The following AOPEP variants were observed in gnomAD, a reference collection of about 807,000 sequenced individuals.
The protein encoded by AOPEP is aminopeptidase O.
AOPEP carries 77 observed loss-of-function variants against 98.1 expected under a neutral mutation model. The ratio of observed to expected loss-of-function variants is 0.78; its 90% CI spans 0.65 to 0.95. AOPEP has a LOEUF of 0.95. AOPEP is among the 40% of genes least tolerant of loss of function. The pLI is 0.00. For missense variants in AOPEP, 1,024 were observed against 1,024.7 expected (o/e 1.00, Z 0.01); for synonymous variants, 346 against 365.3 (o/e 0.95, Z 0.60).
intron 11 of AOPEP, among the ~76,000 whole-genome samples, chr9:95,002,286 A>G (rs1476813877): frequency 6.6e-6 from 1 of 151,940 alleles, no homozygotes; most frequent in Non-Finnish European, 1.5e-5. Context: ...ACTATATAAC[A>G]TATTTATTGA....
At chr9:94,932,214 A>G (rs2055442741) in intron 7 of AOPEP, 2 of 987,186 alleles carry the variant, frequency 2.0e-6, no homozygotes, top group Non-Finnish European at 2.4e-6. Flanking sequence ...GGTGAAAAGT[A>G]TGCTTGGTCC....
intron 2 of AOPEP, among the ~76,000 whole-genome samples, chr9:94,762,920 A>G (rs1216262889): frequency 6.6e-6 from 1 of 152,252 alleles, no homozygotes; most frequent in Non-Finnish European, 1.5e-5. Context: ...TACTTTATGA[A>G]TATAATTGTG....
chr9:95,104,924 C>T, the AOPEP span, among the ~76,000 whole-genome samples: 1 of 152,178 alleles, frequency 6.6e-6, no homozygotes, highest in Non-Finnish European at 1.5e-5. Context: ...TAGATCCCAC[C>T]CATAGGTGAG....
chr9:95,035,999 G>T (rs760985083), intron 13 of AOPEP, among the ~76,000 whole-genome samples: 2 of 152,146 alleles, frequency 1.3e-5, no homozygotes, highest in Non-Finnish European at 2.9e-5. Context: ...CCCGGGAGAG[G>T]TTTCCGTGAT....
chr9:94,846,526 A>G (rs2042885341), intron 5 of AOPEP, among the ~76,000 whole-genome samples: 1 of 152,210 alleles, frequency 6.6e-6, no homozygotes, highest in Admixed American at 6.5e-5. Context: ...AAATTGCTGG[A>G]GAAGGATGTG....
intron 3 of AOPEP, among the ~76,000 whole-genome samples, chr9:94,782,176 TGA>T (rs1276932362): frequency 6.6e-6 from 1 of 150,488 alleles, no homozygotes; most frequent in Non-Finnish European, 1.5e-5. Flanking sequence ...GGCGACAGAG[TGA>T]GACTCCGTCT....
chr9:95,064,354 G>A (rs2067643245), intron 14 of AOPEP, among the ~76,000 whole-genome samples: 1 of 152,226 alleles, frequency 6.6e-6, no homozygotes, highest in African/African-American at 2.4e-5. Flanking sequence ...GAGTGCAGTG[G>A]CACGATCTTG....
the AOPEP span, chr9:95,123,536 A>G: frequency 3.9e-6 from 2 of 517,810 alleles, no homozygotes; most frequent in South Asian, 2.9e-5. Flanking sequence ...GAAAAAAAGA[A>G]GGAACAACGG....
chr9:94,909,947 G>A (rs2051766631), intron 5 of AOPEP, among the ~76,000 whole-genome samples: 1 of 152,124 alleles, frequency 6.6e-6, no homozygotes, highest in African/African-American at 2.4e-5. Flanking sequence ...AGCCCTTCTG[G>A]ATCGAGTGTC....
At chr9:95,100,155 C>T in the AOPEP span, 14 of 232,650 alleles carry the variant, frequency 6.0e-5, no homozygotes, top group African/African-American at 2.0e-4. Context: ...ACACCTCTGA[C>T]GAAGCATGTT....
rs569253876 is a variant in AOPEP at position 94,862,506 on chromosome 9, C to T, written c.1365-61480C>T. Among the ~76,000 whole-genome samples, 3 of 152,300 alleles carry T rather than the reference C, an allele frequency of 2.0e-5. No homozygotes were observed. In the South Asian group the frequency reaches 6.2e-4, roughly 32 times the overall value. ...GTCTGGTTGACCTCCTTCCAGTCTC[C>T]TTGAACATGCTCTGTTCATTACTGA... On this transcript the variant is annotated intron_variant, in intron 5 of 16. Coordinates refer to ENST00000375315, the MANE Select transcript of AOPEP (RefSeq NM_001193329.3).
At chr9:94,964,421 T>C (rs755050336) in intron 9 of AOPEP, among the ~76,000 whole-genome samples, 1 of 152,222 alleles carries the variant, frequency 6.6e-6, no homozygotes, top group Non-Finnish European at 1.5e-5. Context: ...AAGGATCCAA[T>C]TGTAACTGGA....
At chr9:94,790,774 G>A (rs1845534977) in intron 3 of AOPEP, among the ~76,000 whole-genome samples, 1 of 152,010 alleles carries the variant, frequency 6.6e-6, no homozygotes, top group African/African-American at 2.4e-5. Flanking sequence ...TAGTGGTAAA[G>A]CACTTTAAAA....
intron 9 of AOPEP, 53 bp from the exon 10 acceptor site, chr9:94,967,705 G>A: frequency 6.7e-7 from 1 of 1,497,166 alleles, no homozygotes; most frequent in Non-Finnish European, 9.3e-7. Flanking sequence ...ATGGTTCCAG[G>A]CAGAGTTATT....
At chr9:95,116,931 T>C in the AOPEP span, among the ~76,000 whole-genome samples, 1 of 152,242 alleles carries the variant, frequency 6.6e-6, no homozygotes, top group Non-Finnish European at 1.5e-5. Flanking sequence ...GCAACAAGGC[T>C]GCACAGAGTA....
At chr9:95,092,724 A>G in the AOPEP span, among the ~76,000 whole-genome samples, 26 of 152,310 alleles carry the variant, frequency 1.7e-4, no homozygotes, top group Non-Finnish European at 1.5e-4. Flanking sequence ...CTCACTGCCA[A>G]GAGTCCTGAG....
intron 5 of AOPEP, among the ~76,000 whole-genome samples, chr9:94,844,188 T>A (rs2042585006): frequency 6.6e-6 from 1 of 152,162 alleles, no homozygotes. Context: ...CACGAGTAGC[T>A]GGGATTACAG....
At chr9:95,139,771 G>T in the AOPEP span, among the ~76,000 whole-genome samples, 2 of 149,462 alleles carry the variant, frequency 1.3e-5, no homozygotes, top group African/African-American at 4.9e-5. Context: ...AGGAGGTAAT[G>T]AACATTTTCT....
intron 9 of AOPEP, among the ~76,000 whole-genome samples, chr9:94,958,500 C>A (rs993309271): frequency 1.3e-5 from 2 of 152,204 alleles, no homozygotes; most frequent in African/African-American, 4.8e-5. Context: ...ATTTTACATT[C>A]CCACCAGAAA....
Sources: gnomAD v4.1 joint callset for allele counts (sites outside exome capture counted in the v4.1 genomes callset) on GRCh38, gnomAD v4.1.1 for gene constraint, MANE v1.5 for transcripts, NCBI Gene and HGNC (gene_info 2026-07-23, HGNC 2026-07-21) for gene names.